The following SEMA3G variants were observed in gnomAD, a reference collection of about 807,000 sequenced individuals.
SEMA3G encodes semaphorin-3G.
Under a neutral mutation model 86.2 loss-of-function variants are expected in SEMA3G, and 70 were observed. That is an observed-to-expected ratio of 0.81 (90% CI 0.67 to 0.99). SEMA3G has a LOEUF of 0.99. Ranked by LOEUF, SEMA3G falls within the 50% of genes least tolerant of loss-of-function variation. SEMA3G has a pLI of 0.00. For missense variants in SEMA3G, 1,002 were observed against 1,072.4 expected (o/e 0.93, Z 0.92); for synonymous variants, 416 against 441.4 (o/e 0.94, Z 0.72).
At position 52,442,103 on chromosome 3, in the gene SEMA3G, C is replaced by T; in HGVS notation, c.459+82G>A. Reference sequence around the variant, plus strand: ...CAGGCCCCTGCCCCTCTGTCCCTACCCAGGCTCAATGGGAATGTTCAGGCA... The same window carrying T: ...CAGGCCCCTGCCCCTCTGTCCCTACTCAGGCTCAATGGGAATGTTCAGGCA... On this transcript the variant is annotated intron_variant, in intron 4 of 15. Coordinates refer to ENST00000231721, the MANE Select transcript of SEMA3G (RefSeq NM_020163.3). This position sits in a 1 kb window ranked among gnomAD's most constrained non-coding sequence, Gnocchi z 6.1. 6.6e-7 allele frequency: 1 copy of T among 1,523,296 alleles called. No individual in the cohort carries two copies. The allele number at this position is 1,523,296 out of a possible 1,614,324, so 94.4% of individuals were successfully genotyped here.
At chr3:52,440,704 G>C in intron 9 of SEMA3G, 50 bp downstream of exon 9, 3 of 1,558,162 alleles carry the variant, frequency 1.9e-6, no homozygotes, top group African/African-American at 1.4e-5. Flanking sequence ...CACCGAATCA[G>C]GGACAAAGAC....
rs1706119320 is a variant in SEMA3G, at chr3:52,440,101, G to A, written c.1144-3C>T. On this transcript the variant is annotated splice_region_variant and splice_polypyrimidine_tract_variant and intron_variant, in intron 10 of 15. Coordinates refer to ENST00000231721, the MANE Select transcript of SEMA3G (RefSeq NM_020163.3). The stretch of plus-strand genomic sequence containing the variant: ...TGTGCGGTCATCTTGCTGGGGCACT[G>A]TGGGCAGCAGGGAAGGGAGTGCCTG... 1.3e-6 allele frequency: 2 copies of A among 1,569,638 alleles called. No individual in the cohort carries two copies. The highest frequency in any genetic ancestry group is 1.7e-6 in the Non-Finnish European group (2 of 1,152,744).
At position 52,441,589 on chromosome 3, in the gene SEMA3G, G is replaced by C. The variant is rs1183995235; in HGVS notation, c.652C>G (p.Gln218Glu). Residue 218 changes from glutamine (Q) to glutamate (E), a missense_variant, in exon 6 of 16, where the codon CAG (glutamine) becomes GAG (glutamate). Transcript: ENST00000231721. ...PRPALRSDSD[Q>E]SLLHDPRFVM... ...CAGGCCTCACCGTGCAAGAGACTCT[G>C]GTCAGAGTCGGAACGCAGAGCTGGC... 1 of 1,613,186 alleles carries C rather than the reference G, an allele frequency of 6.2e-7. No individual in the cohort carries two copies. The highest frequency in any genetic ancestry group is 8.5e-7 in the Non-Finnish European group (1 of 1,179,674).
Position 52,444,943 on chromosome 3 carries a change from TG to T in SEMA3G, c.84del (p.Ser29ValfsTer28). ...HGGSSGPSPGPSVPRLRLSYR... is the reference protein window; with the variant it reads ...HGGSSGPSPGXSVPRLRLSYR... Reference sequence around the variant, plus strand: ...TAGGAGAGCCGCAGGCGGGGCACACTGGGGCCGGGGCTGGGGCCAGAGCTAC... The same window carrying T: ...TAGGAGAGCCGCAGGCGGGGCACACTGGGCCGGGGCTGGGGCCAGAGCTAC... On this transcript the variant is annotated frameshift_variant, in exon 1 of 16. Coordinates refer to ENST00000231721, the MANE Select transcript of SEMA3G (RefSeq NM_020163.3). LOFTEE classifies it high-confidence loss of function. 7.7e-7 allele frequency: 1 copy of T among 1,302,488 alleles called. No homozygotes were observed. The allele number at this position is 1,302,488 out of a possible 1,614,324, so 80.7% of individuals were successfully genotyped here.
rs1706032409 is a variant in SEMA3G at position 52,435,660 on chromosome 3, C to G, written c.2292G>C (p.Met764Ile). The change falls in exon 16 of 16, where the codon ATG becomes ATC. Residue 764 changes from methionine to isoleucine, a missense_variant. Coordinates refer to ENST00000231721, the MANE Select transcript of SEMA3G (RefSeq NM_020163.3). ...TGTGCTCGGCATGCACCCGGCTCTTCATCTTCTTGCCTAGCTCCAGCCCTG... is the reference window on the plus strand; with the variant it reads ...TGTGCTCGGCATGCACCCGGCTCTTGATCTTCTTGCCTAGCTCCAGCCCTG... ...SWAGLELGKK[M>I]KSRVHAEHNR... The G allele has an allele frequency of 6.2e-7, 1 of 1,614,080 alleles. No individual in the cohort carries two copies. Among genetic ancestry groups the G allele is most frequent in the Non-Finnish European group, 8.5e-7 (1 of 1,180,012 alleles).
At chr3:52,443,668 AC>A (rs921777749) in intron 1 of SEMA3G, among the ~76,000 whole-genome samples, 1 of 151,990 alleles carries the variant, frequency 6.6e-6, no homozygotes, top group Non-Finnish European at 1.5e-5. Context: ...CACCCATTCC[AC>A]CCCCAAAACT....
At position 52,438,929 on chromosome 3, in the gene SEMA3G, A is replaced by C. The variant is rs767607682; in HGVS notation, c.1500T>G (p.Ser500=). 3.7e-6 allele frequency: 6 copies of C among 1,613,464 alleles called. No individual in the cohort carries two copies. The South Asian group carries it at 6.6e-5, about 18-fold the overall frequency. ...TGGCAGCTGTTCTTACCCTTTTGACAGAGATCTCCATTTCGGTGATAGGTG... is the reference window on the plus strand; with the variant it reads ...TGGCAGCTGTTCTTACCCTTTTGACCGAGATCTCCATTTCGGTGATAGGTG... The part of the protein sequence containing the change: ...VPTPITEMEI[S]VKRQMLYVGS... Residue 500 remains serine (S), a synonymous_variant, in exon 13 of 16, where the codon TCT becomes TCG. Coordinates refer to ENST00000231721, the MANE Select transcript of SEMA3G (RefSeq NM_020163.3).
At chr3:52,444,882 G>A (rs1215875815) in intron 1 of SEMA3G, 31 bp downstream of exon 1, 1 of 1,294,946 alleles carries the variant, frequency 7.7e-7, no homozygotes, top group Non-Finnish European at 9.9e-7. Context: ...CAGGGCACAT[G>A]CACACAAACA....
chr3:52,440,333 T>A, intron 10 of SEMA3G, 44 bp downstream of exon 10: 1 of 1,502,204 alleles, frequency 6.7e-7, no homozygotes, highest in Non-Finnish European at 8.9e-7. Context: ...TCCCCACATC[T>A]GCTCAGGCCT....
chr3:52,444,956 G>C lies in SEMA3G; in HGVS notation c.72C>G (p.Pro24=). 7.7e-7 allele frequency: 1 copy of C among 1,303,656 alleles called. No homozygotes were observed. The highest frequency in any genetic ancestry group is 9.8e-7 in the Non-Finnish European group (1 of 1,021,262). The allele number at this position is 1,303,656 out of a possible 1,614,324, so 80.8% of individuals were successfully genotyped here. A position where few individuals can be genotyped will look rare whatever the true frequency, so the allele number is the denominator to read the frequency against. ...GLLLHGGSSG[P]SPGPSVPRLR... is the part of the protein sequence containing the mutation. ...GGCGGGGCACACTGGGGCCGGGGCT[G>C]GGGCCAGAGCTACCCCCATGGAGCA... Residue 24 remains proline (P), a synonymous_variant, in exon 1 of 16, where the codon CCC becomes CCG. Transcript: ENST00000231721.
In SEMA3G at chr3:52,436,083, G is replaced by A. The variant is rs376737486; in HGVS notation, c.1879-10C>T. 31 of 1,597,464 alleles carry A rather than the reference G, an allele frequency of 1.9e-5. No individual in the cohort carries two copies. The highest frequency in any genetic ancestry group is 3.4e-5 in the South Asian group (3 of 89,326). On this transcript the variant is annotated splice_polypyrimidine_tract_variant and intron_variant, in intron 15 of 15. Coordinates refer to ENST00000231721, the MANE Select transcript of SEMA3G (RefSeq NM_020163.3). ...GCTCGTCCGTCTTCACCTGCCATGCGGGCGGGAGGGCGTGAGTAGGGTGCA... is the reference window on the plus strand; with the variant it reads ...GCTCGTCCGTCTTCACCTGCCATGCAGGCGGGAGGGCGTGAGTAGGGTGCA...
chr3:52,435,612 C>T lies in SEMA3G; in HGVS notation c.2340G>A (p.Glu780=), dbSNP rs61729091. ...AEHNRTPREV[E]AT ...CCTCCTCTGCCCCCTTCTACGTGGC[C>T]TCCACCTCCCGGGGCGTCCGATTGT... is the stretch of plus-strand genomic sequence containing the variant. The change falls in exon 16 of 16, where the codon GAG becomes GAA. Residue 780 remains glutamate, a synonymous_variant. Transcript: ENST00000231721. 75,499 of 1,610,842 alleles carry T rather than the reference C, an allele frequency of 0.047. 2,059 individuals are homozygous for T. Among genetic ancestry groups the T allele is most frequent in the Non-Finnish European group, 0.054 (63,516 of 1,177,864 alleles).
At chr3:52,438,260 C>T (rs1198485804) in intron 13 of SEMA3G, 61 bp from the exon 14 acceptor site, 4 of 1,488,804 alleles carry the variant, frequency 2.7e-6, no homozygotes, top group African/African-American at 1.4e-5. Flanking sequence ...CGCAGCCAGG[C>T]TCTCAGCCCC....
Position 52,442,096 on chromosome 3 carries a change from TC to T in SEMA3G, c.459+88del. ...CGCCTTTCAGGCCCCTGCCCCTCTG[TC>T]CCTACCCAGGCTCAATGGGAATGTT... On this transcript the variant is annotated intron_variant, in intron 4 of 15. Transcript: ENST00000231721. The surrounding 1 kb of genome is among the most constrained non-coding windows in gnomAD (Gnocchi z 6.1). The T allele has an allele frequency of 6.6e-7, 1 of 1,510,012 alleles. No individual in the cohort carries two copies. Among genetic ancestry groups the T allele is most frequent in the Non-Finnish European group, 8.9e-7 (1 of 1,120,822 alleles). The allele number at this position is 1,510,012 out of a possible 1,614,324, so 93.5% of individuals were successfully genotyped here. A position where few individuals can be genotyped will look rare whatever the true frequency, so the allele number is the denominator to read the frequency against.
chr3:52,437,738 A>G, intron 14 of SEMA3G, 72 bp from the exon 15 acceptor site: 13 of 1,513,578 alleles, frequency 8.6e-6, no homozygotes, highest in Admixed American at 1.9e-5. Flanking sequence ...ACCTGACACC[A>G]CAGCTCAGGA....
rs1228974510 is a variant in SEMA3G at position 52,442,683 on chromosome 3, C to G, written c.277-62G>C. 2 of 1,613,734 alleles carry G rather than the reference C, an allele frequency of 1.2e-6. No homozygotes were observed. The highest frequency in any genetic ancestry group is 2.7e-5 in the African/African-American group (2 of 74,948). On this transcript the variant is annotated intron_variant, in intron 2 of 15. Coordinates refer to ENST00000231721, the MANE Select transcript of SEMA3G (RefSeq NM_020163.3). The surrounding 1 kb of genome is among the most constrained non-coding windows in gnomAD (Gnocchi z 6.1). ...GATCTCACAGGCTCAGTTTCCCCAT[C>G]TGGCCTCCCATCTGGAGGTGCCCAG...
chr3:52,440,066 C>A lies in SEMA3G; in HGVS notation c.1176G>T (p.Arg392=). The part of the protein sequence containing the change: ...CPSKMTAQPG[R]PFGSTKDYPD... ...GGTAGTCCTTGGTGCTGCCAAAAGGCCGTCCTGGCTGTGCGGTCATCTTGC... is the reference window on the plus strand; with the variant it reads ...GGTAGTCCTTGGTGCTGCCAAAAGGACGTCCTGGCTGTGCGGTCATCTTGC... The change falls in exon 11 of 16, where the codon CGG becomes CGT. Residue 392 remains arginine, a synonymous_variant. Transcript: ENST00000231721. 6.3e-7 allele frequency: 1 copy of A among 1,592,916 alleles called. No homozygotes were observed. The highest frequency in any genetic ancestry group is 8.6e-7 in the Non-Finnish European group (1 of 1,165,292).
At position 52,440,800 on chromosome 3, in the gene SEMA3G, T is replaced by C. The variant is rs1160204912; in HGVS notation, c.952A>G (p.Lys318Glu). ...TACACCTCGAGGCTCTTCCCGGCCTTGGGCCACAGCAGGAACACATCCTCT... is the reference window on the plus strand; with the variant it reads ...TACACCTCGAGGCTCTTCCCGGCCTCGGGCCACAGCAGGAACACATCCTCT... ...QLEDVFLLWPKAGKSLEVYAL... is the reference protein window; with the variant it reads ...QLEDVFLLWPEAGKSLEVYAL... Residue 318 changes from lysine to glutamate, a missense_variant, in exon 9 of 16, where the codon AAG becomes GAG. Physicochemically the swap from Lys to Glu is moderately conservative, Grantham distance 56 (BLOSUM62 1). Coordinates refer to ENST00000231721, the MANE Select transcript of SEMA3G (RefSeq NM_020163.3). 6.2e-7 allele frequency: 1 copy of C among 1,612,806 alleles called. No homozygotes were observed. The highest frequency in any genetic ancestry group is 1.3e-5 in the African/African-American group (1 of 74,936).
rs748456295 is a variant in SEMA3G, at chr3:52,437,692, G to C, written c.1739-26C>G. 1.8e-5 allele frequency: 29 copies of C among 1,600,454 alleles called. No individual in the cohort carries two copies. Among genetic ancestry groups the C allele is most frequent in the Non-Finnish European group, 8.5e-7 (1 of 1,170,680 alleles). On this transcript the variant is annotated intron_variant, in intron 14 of 15. Coordinates refer to ENST00000231721, the MANE Select transcript of SEMA3G (RefSeq NM_020163.3). ...CTGGAGAGAGGCAGAGGTTGGCTCA[G>C]CTTGGGAACTATGGGACCCAGATCC...
Sources: allele counts gnomAD v4.1 joint callset (sites outside exome capture counted in the v4.1 genomes callset), GRCh38; gene constraint gnomAD v4.1.1; non-coding constraint Gnocchi (gnomAD v3.1); transcripts MANE v1.5; gene names NCBI Gene and HGNC (gene_info 2026-07-23, HGNC 2026-07-21).